KIAA2012: variants seen among roughly 807,000 people sequenced by gnomAD.
KIAA2012 encodes the protein KIAA2012, also known as uncharacterized protein KIAA2012.
A neutral mutation model predicts 150.6 loss-of-function variants in KIAA2012; 125 were observed. The ratio of observed to expected loss-of-function variants is 0.83; its 90% confidence interval spans 0.72 to 0.96. The LOEUF (loss-of-function observed/expected upper bound fraction) is 0.96, where lower values mean the gene tolerates loss of function less well. KIAA2012 is among the 40% of genes least tolerant of loss of function. The pLI is 0.00. For synonymous variants in KIAA2012, 462 were observed against 504.7 expected (o/e 0.92, Z 1.13); for missense variants, 1,219 against 1,354.9 (o/e 0.90, Z 1.57).
intron 14 of KIAA2012, among the ~76,000 whole-genome samples, chr2:202,158,469 C>A (rs1373223797): frequency 6.6e-6 from 1 of 152,182 alleles, no homozygotes; most frequent in Non-Finnish European, 1.5e-5. Context: ...GCTCACGTTA[C>A]TACAGGAGAG....
intron 12 of KIAA2012, among the ~76,000 whole-genome samples, chr2:202,129,108 C>G (rs762853813): frequency 7.9e-5 from 12 of 151,788 alleles, no homozygotes; most frequent in Non-Finnish European, 1.5e-4. Context: ...GAGCAAAACT[C>G]CATCTCAAAA....
chr2:202,167,291 A>T (rs1278702520), intron 15 of KIAA2012, among the ~76,000 whole-genome samples: 1 of 152,150 alleles, frequency 6.6e-6, no homozygotes, highest in Admixed American at 6.5e-5. Context: ...TCAAACTTCA[A>T]TGTGCATCAG....
chr2:202,150,337 A>G (rs535030044), intron 13 of KIAA2012, among the ~76,000 whole-genome samples: 1 of 152,226 alleles, frequency 6.6e-6, no homozygotes, highest in East Asian at 1.9e-4. Flanking sequence ...TTGCAGTACA[A>G]TATAGGTGAA....
intron 2 of KIAA2012, among the ~76,000 whole-genome samples, chr2:202,090,258 C>G (rs1043945977): frequency 1.6e-5 from 2 of 128,526 alleles, no homozygotes; most frequent in Non-Finnish European, 3.5e-5. Flanking sequence ...CTGACTTTGG[C>G]AGATAGGTTC....
intron 3 of KIAA2012, 121 bp from the exon 4 acceptor site, chr2:202,092,909 C>A: frequency 1.3e-6 from 1 of 780,198 alleles, no homozygotes; most frequent in Non-Finnish European, 2.0e-6. Context: ...TTCTAATTGT[C>A]TTCCCTAATG....
Position 202,148,927 on chromosome 2 carries a change from T to TC in KIAA2012, c.1909-5743dup, listed in dbSNP as rs572019224. Among the ~76,000 whole-genome samples the TC allele has an allele frequency of 1.8e-3, 278 of 151,870 alleles. 6 individuals are homozygous for TC. The South Asian group carries it at 0.024, about 13-fold the overall frequency. On this transcript the variant is annotated intron_variant, in intron 13 of 23. Transcript: ENST00000498697. Reference sequence around the variant, plus strand: ...GTCCCATCTCAGGGAGCCCACGGAGTCCCAGGTACGCTCAGCCCCACGTCT... The same window carrying TC: ...GTCCCATCTCAGGGAGCCCACGGAGTCCCCAGGTACGCTCAGCCCCACGTCT...
intron 10 of KIAA2012, among the ~76,000 whole-genome samples, chr2:202,111,509 C>CAAAA (rs71025277): frequency 6.9e-5 from 4 of 57,628 alleles, no homozygotes; most frequent in African/African-American, 1.9e-4. Flanking sequence ...GACTCTGTCT[C>CAAAA]AAAAAAAAAA....
At chr2:202,077,385 TAATAGTTTATA>T (rs1689348734) in intron 2 of KIAA2012, among the ~76,000 whole-genome samples, 1 of 152,198 alleles carries the variant, frequency 6.6e-6, no homozygotes, top group Non-Finnish European at 1.5e-5. Context: ...ACAGAGATCT[TAATAGTTTATA>T]AAGTAGATAA....
At chr2:202,156,372 A>ATGAAT (rs1281624191) in intron 14 of KIAA2012, among the ~76,000 whole-genome samples, 1 of 152,170 alleles carries the variant, frequency 6.6e-6, no homozygotes, top group African/African-American at 2.4e-5. Flanking sequence ...TGAGAGAATT[A>ATGAAT]TGAATCGTAC....
At position 202,103,102 on chromosome 2, in the gene KIAA2012, G is replaced by A; in HGVS notation, c.1312G>A (p.Ala438Thr). Residue 438 changes from alanine to threonine, a missense_variant, in exon 8 of 24, where the codon GCC becomes ACC. Ala to Thr is a moderately conservative substitution (Grantham distance 58). Transcript: ENST00000498697. ...CACCAAACAACCCCCAAAAGAGAAA[G>A]CCCACAGAAGAGGTAGGTCCCGGGT... ...YHTKQPPKEKAHRRGAPHPES... is the reference protein window; with the variant it reads ...YHTKQPPKEKTHRRGAPHPES... 1 of 1,550,498 alleles carries A rather than the reference G, an allele frequency of 6.4e-7. No individual in the cohort carries two copies.
chr2:202,190,042 C>T (rs1467307667), intron 18 of KIAA2012, 132 bp from the exon 19 acceptor site: 8 of 678,042 alleles, frequency 1.2e-5, no homozygotes, highest in African/African-American at 3.7e-5. Flanking sequence ...GAGCCATGAT[C>T]GTGCCACTGC....
intron 13 of KIAA2012, among the ~76,000 whole-genome samples, chr2:202,143,932 A>G (rs1559219254): frequency 1.3e-5 from 2 of 152,212 alleles, no homozygotes; most frequent in Non-Finnish European, 2.9e-5. Flanking sequence ...AGATCCATCT[A>G]TGTAAGCTTG....
chr2:202,154,793 A>T lies in KIAA2012; in HGVS notation c.2029A>T (p.Met677Leu). The change falls in exon 14 of 24, where the codon ATG (methionine) becomes TTG (leucine). Residue 677 changes from methionine to leucine, a missense_variant. Physicochemically the swap from Met to Leu is conservative, Grantham distance 15. Coordinates refer to ENST00000498697, the MANE Select transcript of KIAA2012 (RefSeq NM_001277372.4). The part of the protein sequence containing the change: ...EFYTRKLHID[M>L]TPFLKESGNA... Reference sequence around the variant, plus strand: ...TTACACGCGCAAGCTGCACATCGACATGACGCCGTTCCTGAAGGTGATCTC... The same window carrying T: ...TTACACGCGCAAGCTGCACATCGACTTGACGCCGTTCCTGAAGGTGATCTC... 1 of 1,547,712 alleles carries T rather than the reference A, an allele frequency of 6.5e-7. No individual in the cohort carries two copies. The highest frequency in any genetic ancestry group is 8.7e-7 in the Non-Finnish European group (1 of 1,146,328).
chr2:202,125,707 A>G (rs1690766565), intron 12 of KIAA2012: 2 of 362,898 alleles, frequency 5.5e-6, no homozygotes, highest in African/African-American at 2.2e-5. Context: ...TGTATTTTCA[A>G]TGGAAGACTG....
In KIAA2012 at chr2:202,180,699, C is replaced by T. The variant is rs114701019; in HGVS notation, c.2120-4054C>T. 6.1e-3 allele frequency among the ~76,000 whole-genome samples: 926 copies of T among 152,180 alleles called. 4 individuals carry two copies. Among genetic ancestry groups the T allele is most frequent in the Admixed American group, 0.011 (171 of 15,284 alleles). The stretch of plus-strand genomic sequence containing the variant: ...AATTAGCTGGGCATGATGGTGCATG[C>T]GTGTAACCCCTGCTGCTCAGGAGGC... On this transcript the variant is annotated intron_variant, in intron 15 of 23. Transcript: ENST00000498697.
rs539518813 is a variant in KIAA2012, at chr2:202,148,891, C to T, written c.1909-5782C>T. Reference sequence around the variant, plus strand: ...ACAACGCCCGGCCCATTCGGATCCCCTTCCTAGGCAGTCCCATCTCAGGGA... The same window carrying T: ...ACAACGCCCGGCCCATTCGGATCCCTTTCCTAGGCAGTCCCATCTCAGGGA... On this transcript the variant is annotated intron_variant, in intron 13 of 23. Coordinates refer to ENST00000498697, the MANE Select transcript of KIAA2012 (RefSeq NM_001277372.4). 1.1e-4 allele frequency among the ~76,000 whole-genome samples: 16 copies of T among 152,294 alleles called. No homozygotes were observed. The East Asian group carries it at 2.5e-3, about 24-fold the overall frequency.
intron 15 of KIAA2012, among the ~76,000 whole-genome samples, chr2:202,168,470 G>A (rs1691819769): frequency 6.6e-6 from 1 of 150,952 alleles, no homozygotes; most frequent in South Asian, 2.1e-4. Context: ...ATCACAAAGT[G>A]CTCAAAAAGG....
intron 2 of KIAA2012, among the ~76,000 whole-genome samples, chr2:202,082,608 AAAG>A (rs78900209): frequency 1.3e-4 from 9 of 66,792 alleles, no homozygotes; most frequent in Admixed American, 1.7e-4. Flanking sequence ...AAAAAAAAAA[AAAG>A]AAGTTTTTAA....
intron 14 of KIAA2012, among the ~76,000 whole-genome samples, chr2:202,161,440 A>G (rs1691655096): frequency 6.6e-6 from 1 of 152,190 alleles, no homozygotes; most frequent in African/African-American, 2.4e-5. Flanking sequence ...TTACAAATAG[A>G]AAAATATAAC....
Sources: gnomAD v4.1 joint callset for allele counts (sites outside exome capture counted in the v4.1 genomes callset) on GRCh38, gnomAD v4.1.1 for gene constraint, MANE v1.5 for transcripts, NCBI Gene and HGNC (gene_info 2026-07-23, HGNC 2026-07-21) for gene names.